The following MBTD1 variants were observed in gnomAD, a reference collection of about 807,000 sequenced individuals.
MBTD1 encodes the protein mbt domain containing 1, also known as MBT domain-containing protein 1.
In MBTD1, 24 loss-of-function variants were observed where a neutral mutation model predicts 87.8. The observed-to-expected ratio is 0.27, with a 90% CI of 0.20 to 0.38. MBTD1 has a LOEUF of 0.38. MBTD1 is among the 10% of genes least tolerant of loss of function. The pLI, the probability that MBTD1 is intolerant of heterozygous loss-of-function variation, is 1.00. For missense variants in MBTD1, 436 were observed against 760.2 expected, an observed-to-expected ratio of 0.57 and a Z score of 5.02; for synonymous variants, 237 against 248.6, an observed-to-expected ratio of 0.95 and a Z score of 0.44.
chr17:51,214,076 CACAT>C (rs1407726832), intron 6 of MBTD1, among the ~76,000 whole-genome samples: 1 of 151,774 alleles, frequency 6.6e-6, no homozygotes, highest in African/African-American at 2.4e-5. Context: ...TATAAACACA[CACAT>C]ATATATATAC....
intron 7 of MBTD1, among the ~76,000 whole-genome samples, chr17:51,204,441 AT>A (rs2051688022): frequency 6.9e-6 from 1 of 144,444 alleles, no homozygotes; most frequent in Non-Finnish European, 1.5e-5. Context: ...ATATTTATGT[AT>A]AAGCATATAA....
In MBTD1 at chr17:51,215,599, G is replaced by C. The variant is rs146543455; in HGVS notation, c.486+1735C>G. On this transcript the variant is annotated intron_variant, in intron 6 of 16. Transcript: ENST00000586178. ...TCAAGAAAGCAATATCCCAAGAGAAGAGAGTTAAAGATTTTCTTTTTAAAG... is the reference window on the plus strand; with the variant it reads ...TCAAGAAAGCAATATCCCAAGAGAACAGAGTTAAAGATTTTCTTTTTAAAG... Among the ~76,000 whole-genome samples, 31 of 152,254 alleles carry C rather than the reference G, an allele frequency of 2.0e-4. 1 individual carries two copies. In the East Asian group the frequency reaches 6.0e-3, roughly 29 times the overall value.
chr17:51,233,396 A>C (rs192388286), intron 2 of MBTD1, among the ~76,000 whole-genome samples: 3 of 152,306 alleles, frequency 2.0e-5, no homozygotes, highest in Admixed American at 1.3e-4. Context: ...AACGCTAAAA[A>C]AAATTACGAA....
intron 2 of MBTD1, among the ~76,000 whole-genome samples, chr17:51,227,254 A>AAAG (rs2053281182): frequency 2.4e-5 from 1 of 40,818 alleles, no homozygotes; most frequent in African/African-American, 7.8e-5. Flanking sequence ...AAAAAAAAAA[A>AAAG]AAAAAAAAAA....
intron 12 of MBTD1, among the ~76,000 whole-genome samples, chr17:51,197,041 GATATATATATAT>G (rs71149351): frequency 3.4e-5 from 3 of 87,626 alleles, no homozygotes; most frequent in South Asian, 4.5e-4. Context: ...ATATATACAA[GATATATATATAT>G]ATATATATAT....
chr17:51,221,606 G>C (rs1035392689), intron 3 of MBTD1, among the ~76,000 whole-genome samples: 1 of 151,952 alleles, frequency 6.6e-6, no homozygotes, highest in African/African-American at 2.4e-5. Flanking sequence ...TGTATCTGTG[G>C]ATTCAACCAA....
At chr17:51,191,891 C>G in intron 16 of MBTD1, 1 of 264,346 alleles carries the variant, frequency 3.8e-6, no homozygotes, top group Non-Finnish European at 7.2e-6. Context: ...GCTAATTTTT[C>G]TTTTTAAATA....
intron 6 of MBTD1, 89 bp from the exon 7 acceptor site, chr17:51,207,094 G>T: frequency 1.6e-6 from 1 of 615,812 alleles, no homozygotes; most frequent in Non-Finnish European, 2.8e-6. Context: ...TCAATAATAG[G>T]AATATTAAAC....
chr17:51,201,231 A>G (rs915520092), intron 12 of MBTD1, among the ~76,000 whole-genome samples: 3 of 152,214 alleles, frequency 2.0e-5, no homozygotes, highest in African/African-American at 4.8e-5. Context: ...AGCAAAAACT[A>G]CTACCAAAAG....
chr17:51,192,307 A>C (rs1483280178), intron 15 of MBTD1, 27 bp from the exon 16 acceptor site: 1 of 1,465,724 alleles, frequency 6.8e-7, no homozygotes, highest in African/African-American at 1.4e-5. Flanking sequence ...GAAAATTGGT[A>C]CTAGATAATT....
chr17:51,252,519 A>T (rs1389914628), intron 2 of MBTD1, among the ~76,000 whole-genome samples: 1 of 151,956 alleles, frequency 6.6e-6, no homozygotes, highest in Non-Finnish European at 1.5e-5. Flanking sequence ...TTGAGGAGTA[A>T]TCCACCAGGA....
intron 2 of MBTD1, among the ~76,000 whole-genome samples, chr17:51,236,877 G>T (rs183126953): frequency 3.3e-5 from 5 of 152,074 alleles, no homozygotes; most frequent in Admixed American, 2.6e-4. Flanking sequence ...AAAATCAACT[G>T]AAAGTAGTTC....
At chr17:51,214,867 T>C (rs2052475962) in intron 6 of MBTD1, among the ~76,000 whole-genome samples, 1 of 152,182 alleles carries the variant, frequency 6.6e-6, no homozygotes, top group Non-Finnish European at 1.5e-5. Context: ...GTACTCCTAG[T>C]AGCTCCTGAC....
chr17:51,245,523 A>C (rs558028544), intron 2 of MBTD1, among the ~76,000 whole-genome samples: 91 of 151,936 alleles, frequency 6.0e-4, no homozygotes, highest in African/African-American at 2.1e-3. Flanking sequence ...ATTTAGATCT[A>C]ATGTGTCTGG....
intron 8 of MBTD1, 149 bp from the exon 9 acceptor site, chr17:51,203,377 C>T (rs2051606851): frequency 1.9e-6 from 1 of 535,372 alleles, no homozygotes; most frequent in Non-Finnish European, 3.2e-6. Context: ...ATATGCCTTG[C>T]CAGCAAAAAG....
rs1555673726 is a variant in MBTD1 at position 51,179,496 on chromosome 17, A to ATATATATATATTTATATT, written c.*1079_*1080insAATATAAATATATATATA. ...ATTAAAGACAATTTTATATATATAT[A>ATATATATATATTTATATT]TATATATATATATATATATATATAT... On this transcript the variant is annotated 3_prime_UTR_variant, in exon 17 of 17. Transcript: ENST00000586178. 1.9e-4 allele frequency: 10 copies of ATATATATATATTTATATT among 53,088 alleles called. No individual in the cohort carries two copies. Among genetic ancestry groups the ATATATATATATTTATATT allele is most frequent in the Non-Finnish European group, 3.8e-4 (10 of 26,100 alleles). The allele number at this position is 53,088 out of a possible 1,614,324, so 3.3% of individuals were successfully genotyped here.
At chr17:51,242,274 C>T (rs1455837753) in intron 2 of MBTD1, among the ~76,000 whole-genome samples, 1 of 152,160 alleles carries the variant, frequency 6.6e-6, no homozygotes, top group Non-Finnish European at 1.5e-5. Context: ...CTTAAATCCC[C>T]AACTCCAAGC....
intron 6 of MBTD1, among the ~76,000 whole-genome samples, chr17:51,216,159 C>T (rs1159528778): frequency 3.3e-5 from 5 of 151,882 alleles, no homozygotes; most frequent in Admixed American, 2.0e-4. Flanking sequence ...CTTGAACTCC[C>T]GACCTCAGGT....
At chr17:51,197,596 C>A (rs1201954294) in intron 12 of MBTD1, among the ~76,000 whole-genome samples, 1 of 151,398 alleles carries the variant, frequency 6.6e-6, no homozygotes, top group East Asian at 1.9e-4. Flanking sequence ...CAGCCAACTT[C>A]CCTGAGCTCA....
Sources: allele counts gnomAD v4.1 joint callset (sites outside exome capture counted in the v4.1 genomes callset), GRCh38; gene constraint gnomAD v4.1.1; transcripts MANE v1.5; gene names NCBI Gene and HGNC (gene_info 2026-07-23, HGNC 2026-07-21).